Variants in AGBL4 observed in about 807,000 individuals in gnomAD.
The protein encoded by AGBL4 is cytosolic carboxypeptidase 6.
A neutral mutation model predicts 66.4 loss-of-function variants in AGBL4; 58 were observed. The ratio of observed to expected loss-of-function variants is 0.87; its 90% CI spans 0.71 to 1.09. The LOEUF is 1.09. AGBL4 is among the 50% of genes least tolerant of loss of function. The pLI is 0.00. For missense variants in AGBL4, 579 were observed against 631.0 expected (o/e 0.92, Z 0.88); for synonymous variants, 234 against 222.9 (o/e 1.05, Z -0.44).
At chr1:49,751,542 C>G (rs1384833439) in intron 2 of AGBL4, among the ~76,000 whole-genome samples, 1 of 152,044 alleles carries the variant, frequency 6.6e-6, no homozygotes, top group African/African-American at 2.4e-5. Flanking sequence ...CTGAAATTTT[C>G]TTTTGTGTTG....
chr1:49,242,744 G>T (rs1651333851), intron 4 of AGBL4, among the ~76,000 whole-genome samples: 1 of 151,814 alleles, frequency 6.6e-6, no homozygotes, highest in South Asian at 2.1e-4. Context: ...AAATAAAATT[G>T]GAGTGAACTA....
chr1:48,713,414 G>A (rs1362023399), intron 6 of AGBL4, among the ~76,000 whole-genome samples: 3 of 152,154 alleles, frequency 2.0e-5, no homozygotes, highest in Non-Finnish European at 2.9e-5. Flanking sequence ...CTGAGGTTGC[G>A]GAGTTCATTA....
chr1:49,954,436 G>A (rs11205669), intron 1 of AGBL4, among the ~76,000 whole-genome samples: 1 of 151,670 alleles, frequency 6.6e-6, no homozygotes, highest in Non-Finnish European at 1.5e-5. Flanking sequence ...GTGGGTACCC[G>A]CTCCTCCCTT....
rs191264988 is a variant in AGBL4 at position 48,837,469 on chromosome 1, T to C, written c.634+29722A>G. Among the ~76,000 whole-genome samples the C allele has an allele frequency of 3.5e-3, 523 of 151,510 alleles. 4 individuals carry two copies. The highest frequency in any genetic ancestry group is 0.012 in the African/African-American group (509 of 41,100). On this transcript the variant is annotated intron_variant, in intron 6 of 13. Coordinates refer to ENST00000371839, the MANE Select transcript of AGBL4 (RefSeq NM_032785.4). ...ATCAGGTGCCAGTGCAGCTAGGATA[T>C]AAAGCAGGCAGAAAAACAGGAAGAT...
At chr1:48,550,975 T>A (rs1235789778) in intron 11 of AGBL4, among the ~76,000 whole-genome samples, 1 of 152,240 alleles carries the variant, frequency 6.6e-6, no homozygotes, top group Non-Finnish European at 1.5e-5. Context: ...CAGATCCTTG[T>A]CTCTTATCTG....
At chr1:49,994,299 C>T (rs1260727905) in intron 1 of AGBL4, 1 of 141,960 alleles carries the variant, frequency 7.0e-6, no homozygotes, top group East Asian at 2.0e-4. Context: ...TGTTGAACTA[C>T]ACCATGGGAA....
At chr1:48,883,190 A>G (rs560250486) in intron 5 of AGBL4, among the ~76,000 whole-genome samples, 1 of 152,314 alleles carries the variant, frequency 6.6e-6, no homozygotes, top group East Asian at 1.9e-4. Flanking sequence ...AGAAACCTCC[A>G]TACTGTTTTC....
At chr1:49,006,619 A>G (rs1661848418) in intron 5 of AGBL4, among the ~76,000 whole-genome samples, 1 of 152,050 alleles carries the variant, frequency 6.6e-6, no homozygotes, top group Admixed American at 6.5e-5. Context: ...GCAGACTTAA[A>G]TGTCCCTGTC....
intron 2 of AGBL4, among the ~76,000 whole-genome samples, chr1:49,780,958 A>G (rs1324348933): frequency 6.6e-6 from 1 of 152,148 alleles, no homozygotes; most frequent in Non-Finnish European, 1.5e-5. Flanking sequence ...CCAACTAACT[A>G]TATTCTCTCT....
chr1:49,905,125 CAT>C (rs920705559), intron 1 of AGBL4, among the ~76,000 whole-genome samples: 4 of 152,206 alleles, frequency 2.6e-5, no homozygotes, highest in Admixed American at 2.0e-4. Flanking sequence ...CACAGTATAA[CAT>C]ATAATTTTCT....
chr1:49,111,329 G>A (rs1444169299), intron 4 of AGBL4, among the ~76,000 whole-genome samples: 2 of 152,116 alleles, frequency 1.3e-5, no homozygotes, highest in African/African-American at 2.4e-5. Flanking sequence ...AGCCAGGATG[G>A]TCTCAATCTC....
At chr1:49,249,620 G>A (rs1651895260) in intron 3 of AGBL4, among the ~76,000 whole-genome samples, 1 of 152,166 alleles carries the variant, frequency 6.6e-6, no homozygotes, top group South Asian at 2.1e-4. Context: ...TATTGTTGGT[G>A]AGAATGGAAA....
At chr1:49,054,862 T>C (rs1644282762) in intron 4 of AGBL4, among the ~76,000 whole-genome samples, 1 of 151,990 alleles carries the variant, frequency 6.6e-6, no homozygotes, top group Non-Finnish European at 1.5e-5. Context: ...TTAATGAGAC[T>C]TTTACATTTT....
At chr1:49,668,936 A>G (rs1475583290) in intron 3 of AGBL4, among the ~76,000 whole-genome samples, 1 of 152,142 alleles carries the variant, frequency 6.6e-6, no homozygotes, top group Non-Finnish European at 1.5e-5. Context: ...ATAATCTTTC[A>G]TCTTTTTATC....
At chr1:49,723,229 C>T (rs889478928) in intron 2 of AGBL4, among the ~76,000 whole-genome samples, 8 of 152,108 alleles carry the variant, frequency 5.3e-5, no homozygotes, top group African/African-American at 1.4e-4. Flanking sequence ...TTAGCCAGGC[C>T]GTAGTCCTTA....
chr1:49,668,530 C>T (rs1646412461), intron 3 of AGBL4, among the ~76,000 whole-genome samples: 1 of 152,126 alleles, frequency 6.6e-6, no homozygotes, highest in Admixed American at 6.6e-5. Flanking sequence ...CTTTCCTCTA[C>T]CTGCTAATAG....
At chr1:48,684,876 G>A (rs1646507791) in intron 6 of AGBL4, among the ~76,000 whole-genome samples, 1 of 152,204 alleles carries the variant, frequency 6.6e-6, no homozygotes, top group South Asian at 2.1e-4. Context: ...AAAATGTTCT[G>A]TATAAAGCAC....
intron 2 of AGBL4, among the ~76,000 whole-genome samples, chr1:49,781,354 A>C (rs1436331451): frequency 1.3e-5 from 2 of 152,078 alleles, no homozygotes; most frequent in Non-Finnish European, 2.9e-5. Context: ...TGATCATACC[A>C]CTGTACTCTC....
chr1:48,639,235 G>A (rs76831379), intron 8 of AGBL4, among the ~76,000 whole-genome samples: 1,902 of 152,330 alleles, frequency 0.012, 46 homozygotes, highest in African/African-American at 0.044. Flanking sequence ...TCTTCAGTGA[G>A]TAGTACCTGC....
Sources: allele counts gnomAD v4.1 joint callset (sites outside exome capture counted in the v4.1 genomes callset), GRCh38; gene constraint gnomAD v4.1.1; transcripts MANE v1.5; gene names NCBI Gene and HGNC (gene_info 2026-07-23, HGNC 2026-07-21).